Variants in HUNK observed in about 807,000 individuals in gnomAD.
The protein encoded by HUNK is hormonally up-regulated Neu-associated kinase, also known as hormonally up-regulated neu tumor-associated kinase.
HUNK carries 21 observed loss-of-function variants against 61.0 expected under a neutral mutation model. The ratio of observed to expected loss-of-function variants is 0.34; its 90% CI spans 0.24 to 0.50. The LOEUF is 0.50. Among genes scored for constraint, HUNK ranks in the 20% least tolerant of loss-of-function variants. The pLI is 0.98. For synonymous variants in HUNK, 371 were observed against 386.1 expected (o/e 0.96, Z 0.46); for missense variants, 772 against 945.7 (o/e 0.82, Z 2.41).
At chr21:31,960,169 C>T (rs993164378) in intron 5 of HUNK, among the ~76,000 whole-genome samples, 6 of 152,106 alleles carry the variant, frequency 3.9e-5, no homozygotes, top group Non-Finnish European at 7.4e-5. Context: ...TAGCTTATTC[C>T]GTGAATATGT....
intron 5 of HUNK, among the ~76,000 whole-genome samples, chr21:31,962,617 T>C (rs1439691328): frequency 6.6e-6 from 1 of 152,242 alleles, no homozygotes; most frequent in African/African-American, 2.4e-5. Context: ...TGTGTGTGCT[T>C]GTTAAAGATC....
At chr21:31,913,641 G>A (rs145341135) in intron 1 of HUNK, among the ~76,000 whole-genome samples, 4 of 152,030 alleles carry the variant, frequency 2.6e-5, no homozygotes, top group East Asian at 1.9e-4. Flanking sequence ...CCAGAGGCAC[G>A]TCAGAGCTCA....
chr21:31,873,864 G>T lies in HUNK; in HGVS notation c.190G>T (p.Gly64Cys). Residue 64 changes from glycine to cysteine, a missense_variant, in exon 1 of 11, where the codon GGC (glycine) becomes TGC (cysteine). This residue lies in a region of HUNK where 359 missense variants were observed against 501.3 expected (regional missense o/e 0.72). Coordinates refer to ENST00000270112, the MANE Select transcript of HUNK (RefSeq NM_014586.2). This position sits in a 1 kb window ranked among gnomAD's most constrained non-coding sequence, Gnocchi z 6.1. ...CAAGCGCGTGGGCAACTACCTCATC[G>T]GCAGCAGGAAGCTGGGCGAGGGCTC... is the stretch of plus-strand genomic sequence containing the variant. The part of the protein sequence containing the change: ...HHKRVGNYLI[G>C]SRKLGEGSFA... The T allele has an allele frequency of 6.3e-7, 1 of 1,585,838 alleles. No individual in the cohort carries two copies. The highest frequency in any genetic ancestry group is 8.6e-7 in the Non-Finnish European group (1 of 1,168,214).
intron 1 of HUNK, among the ~76,000 whole-genome samples, chr21:31,911,107 T>C (rs1230352569): frequency 6.6e-6 from 1 of 152,244 alleles, no homozygotes. Flanking sequence ...AAATAGTTAA[T>C]AGATTCTTCT....
chr21:31,973,389 G>A (rs531795754), intron 6 of HUNK, among the ~76,000 whole-genome samples: 1 of 151,968 alleles, frequency 6.6e-6, no homozygotes, highest in African/African-American at 2.4e-5. Flanking sequence ...TCCCACCTAT[G>A]AGTGAGAAGA....
intron 8 of HUNK, 91 bp downstream of exon 8, chr21:31,983,700 C>G (rs2053114035): frequency 3.4e-6 from 3 of 883,640 alleles, no homozygotes; most frequent in Non-Finnish European, 3.7e-6. Context: ...TACTGTGGGA[C>G]ACTGAAGTAG....
At chr21:31,977,895 G>A (rs1400536007) in intron 7 of HUNK, among the ~76,000 whole-genome samples, 7 of 152,064 alleles carry the variant, frequency 4.6e-5, no homozygotes, top group South Asian at 2.1e-4. Context: ...ACGGGCTTTC[G>A]CCATGTTGCC....
At chr21:31,962,886 G>T (rs992583377) in intron 5 of HUNK, among the ~76,000 whole-genome samples, 23 of 152,232 alleles carry the variant, frequency 1.5e-4, no homozygotes, top group African/African-American at 4.6e-4. Context: ...GACCTGGAAA[G>T]GTGGCCCATA....
chr21:31,979,365 C>G (rs2053075497), intron 7 of HUNK, among the ~76,000 whole-genome samples: 2 of 151,862 alleles, frequency 1.3e-5, no homozygotes, highest in African/African-American at 4.8e-5. Flanking sequence ...GATCTGCCTG[C>G]CTCGGCCTCC....
chr21:31,952,291 G>A (rs1000455234), intron 4 of HUNK, among the ~76,000 whole-genome samples: 2 of 151,916 alleles, frequency 1.3e-5, no homozygotes, highest in African/African-American at 4.8e-5. Flanking sequence ...GAAAGATATT[G>A]CTTTCAGGTG....
At chr21:31,910,996 C>T (rs544850322) in intron 1 of HUNK, among the ~76,000 whole-genome samples, 2 of 152,324 alleles carry the variant, frequency 1.3e-5, no homozygotes, top group Admixed American at 6.5e-5. Context: ...TTTTCCCCAA[C>T]ATTTCTGATC....
Position 31,924,816 on chromosome 21 carries a change from G to T in HUNK, c.554+56G>T. The T allele has an allele frequency of 1.4e-6, 2 of 1,441,654 alleles. No individual in the cohort carries two copies. 89.3% of individuals were successfully genotyped at this position (1,441,654 alleles called of 1,614,324 possible). A position where few individuals can be genotyped will look rare whatever the true frequency, so the allele number is the denominator to read the frequency against. On this transcript the variant is annotated intron_variant, in intron 2 of 10. Transcript: ENST00000270112. The surrounding 1 kb of genome is among the most constrained non-coding windows in gnomAD (Gnocchi z 5.1). ...ACTGTGTGCTCCGTGGGTGGCACTG[G>T]GCTGTGGCACCCTCTGAGCCTCTGA...
At chr21:31,929,101 G>T (rs975291176) in intron 2 of HUNK, among the ~76,000 whole-genome samples, 26 of 152,002 alleles carry the variant, frequency 1.7e-4, no homozygotes, top group African/African-American at 6.3e-4. Flanking sequence ...TTCCTGATTA[G>T]GCTGATATTA....
intron 7 of HUNK, among the ~76,000 whole-genome samples, chr21:31,977,593 AT>A (rs1400751206): frequency 6.6e-6 from 1 of 152,190 alleles, no homozygotes; most frequent in Non-Finnish European, 1.5e-5. Context: ...ACATTTAGAG[AT>A]ACAAGCTTTT....
chr21:31,920,259 C>T (rs1432479794), intron 1 of HUNK, among the ~76,000 whole-genome samples: 2 of 152,232 alleles, frequency 1.3e-5, no homozygotes, highest in Non-Finnish European at 2.9e-5. Context: ...AGGCTAATCT[C>T]ATCTCAGAAT....
intron 1 of HUNK, among the ~76,000 whole-genome samples, chr21:31,875,272 A>G (rs3787686): frequency 0.12 from 17,627 of 152,002 alleles, 1,583 homozygotes; most frequent in East Asian, 0.5. Context: ...CCCCACCTGT[A>G]GTTCCCTCCC....
At chr21:31,964,985 T>C (rs1349891508) in intron 5 of HUNK, among the ~76,000 whole-genome samples, 1 of 152,118 alleles carries the variant, frequency 6.6e-6, no homozygotes, top group Non-Finnish European at 1.5e-5. Flanking sequence ...AAACATTAAC[T>C]CAACAGCCCA....
chr21:31,945,257 T>C (rs1000450615), intron 3 of HUNK, among the ~76,000 whole-genome samples: 4 of 152,142 alleles, frequency 2.6e-5, no homozygotes, highest in Non-Finnish European at 5.9e-5. Context: ...TTTCAGTATC[T>C]TTAAGATCAA....
intron 1 of HUNK, among the ~76,000 whole-genome samples, chr21:31,913,788 G>C (rs2052562656): frequency 6.6e-6 from 1 of 151,948 alleles, no homozygotes; most frequent in African/African-American, 2.4e-5. Context: ...GGCTACTGGG[G>C]GAGAAGCAGG....
Sources: gnomAD v4.1 joint callset for allele counts (sites outside exome capture counted in the v4.1 genomes callset) on GRCh38, gnomAD v4.1.1 for gene constraint, gnomAD v4.1.1 regional missense constraint, Gnocchi (gnomAD v3.1) non-coding constraint, MANE v1.5 for transcripts, NCBI Gene and HGNC (gene_info 2026-07-23, HGNC 2026-07-21) for gene names.